Variants in PARM1 observed in about 807,000 individuals in gnomAD.
PARM1 encodes prostate androgen-regulated mucin-like protein 1, also known as WSC4, cell wall integrity and stress response component 4 homolog.
In PARM1, 14 loss-of-function variants were observed where a neutral mutation model predicts 24.6. The observed-to-expected ratio is 0.57, with a 90% CI of 0.38 to 0.89. The LOEUF (loss-of-function observed/expected upper bound fraction) is 0.89. PARM1 is among the 40% of genes least tolerant of loss of function. The pLI is 0.00. For synonymous variants in PARM1, 179 were observed against 156.6 expected (o/e 1.14, Z -1.07); for missense variants, 362 against 380.4 (o/e 0.95, Z 0.40).
At chr4:74,968,586 C>A (rs1721957494) in intron 1 of PARM1, among the ~76,000 whole-genome samples, 1 of 152,166 alleles carries the variant, frequency 6.6e-6, no homozygotes, top group African/African-American at 2.4e-5. Flanking sequence ...AATTGTGAAA[C>A]CAGCCTCAGC....
Position 74,933,257 on chromosome 4 carries a change from C to T in PARM1, c.-71C>T, listed in dbSNP as rs563327046. On this transcript the variant is annotated 5_prime_UTR_variant, in exon 1 of 4. Transcript: ENST00000307428. ...CCCGGCAGAGGAGTCGCTACCAGCG[C>T]CCAGTGCGCTCTGTCAGTCCGCAAA... is the stretch of plus-strand genomic sequence containing the variant. 6.7e-5 allele frequency: 93 copies of T among 1,386,406 alleles called. No individual in the cohort carries two copies. The East Asian group carries it at 2.1e-3, about 31-fold the overall frequency. The allele number at this position is 1,386,406 out of a possible 1,614,324, so 85.9% of individuals were successfully genotyped here.
At chr4:74,952,676 ATCT>A (rs1721549539) in intron 1 of PARM1, among the ~76,000 whole-genome samples, 1 of 152,238 alleles carries the variant, frequency 6.6e-6, no homozygotes, top group Admixed American at 6.5e-5. Context: ...CATTAAAAGT[ATCT>A]TCTTCTCAGT....
chr4:74,977,970 T>G (rs1265610850), intron 1 of PARM1, among the ~76,000 whole-genome samples: 1 of 152,166 alleles, frequency 6.6e-6, no homozygotes, highest in Non-Finnish European at 1.5e-5. Context: ...AAGGAAGCAC[T>G]AAATATGGAA....
intron 1 of PARM1, among the ~76,000 whole-genome samples, chr4:75,006,755 TA>T (rs1420112566): frequency 6.6e-6 from 1 of 152,146 alleles, no homozygotes; most frequent in African/African-American, 2.4e-5. Context: ...ATGTTAGACC[TA>T]AAACCATAAA....
intron 2 of PARM1, among the ~76,000 whole-genome samples, chr4:75,020,034 A>G (rs1023162346): frequency 2.0e-5 from 3 of 149,514 alleles, no homozygotes; most frequent in Admixed American, 2.0e-4. Flanking sequence ...AAAAAAAAAA[A>G]AAAGAAAATT....
chr4:74,951,035 T>C (rs1721512590), intron 1 of PARM1, among the ~76,000 whole-genome samples: 1 of 152,224 alleles, frequency 6.6e-6, no homozygotes, highest in African/African-American at 2.4e-5. Context: ...ACAGTCTAAA[T>C]TGATGGGACT....
chr4:75,024,245 G>A (rs1166225192), intron 2 of PARM1, among the ~76,000 whole-genome samples: 1 of 145,428 alleles, frequency 6.9e-6, no homozygotes, highest in African/African-American at 2.7e-5. Flanking sequence ...GCGGCAGAGC[G>A]AGACTCTGTC....
Position 75,047,809 on chromosome 4 carries a change from G to A in PARM1, c.*1562G>A, listed in dbSNP as rs2109820537. ...TGTGTTAAGTTTTTATTTCCAAAGTGTTTAGTTTATTGGCTGATGGGTTGT... is the reference window on the plus strand; with the variant it reads ...TGTGTTAAGTTTTTATTTCCAAAGTATTTAGTTTATTGGCTGATGGGTTGT... On this transcript the variant is annotated 3_prime_UTR_variant, in exon 4 of 4. Transcript: ENST00000307428. 1 of 152,300 alleles carries A rather than the reference G, an allele frequency of 6.6e-6. No individual in the cohort carries two copies. The highest frequency in any genetic ancestry group is 2.4e-5 in the African/African-American group (1 of 41,556). The allele number at this position is 152,300 out of a possible 1,614,324, so 9.4% of individuals were successfully genotyped here.
At chr4:74,970,994 G>C (rs1722022453) in intron 1 of PARM1, among the ~76,000 whole-genome samples, 1 of 152,208 alleles carries the variant, frequency 6.6e-6, no homozygotes, top group Non-Finnish European at 1.5e-5. Context: ...CATGAGCATA[G>C]TGGGGAACAA....
chr4:75,016,492 C>G (rs1216560216), intron 2 of PARM1, among the ~76,000 whole-genome samples: 2 of 152,048 alleles, frequency 1.3e-5, no homozygotes, highest in Non-Finnish European at 2.9e-5. Context: ...GTTTGGGGTA[C>G]AACTGATCCC....
intron 3 of PARM1, among the ~76,000 whole-genome samples, 166 bp downstream of exon 3, chr4:75,034,127 A>C (rs1476840680): frequency 6.6e-6 from 1 of 152,204 alleles, no homozygotes; most frequent in East Asian, 1.9e-4. Flanking sequence ...CAACACAGGT[A>C]TAGACGTACA....
At chr4:74,945,368 A>T (rs763471667) in intron 1 of PARM1, among the ~76,000 whole-genome samples, 4 of 152,202 alleles carry the variant, frequency 2.6e-5, no homozygotes, top group South Asian at 4.1e-4. Context: ...TTAGCAACAG[A>T]TAATGTGGCT....
intron 1 of PARM1, chr4:74,966,691 C>A (rs1721909580): frequency 6.6e-6 from 1 of 152,222 alleles, no homozygotes; most frequent in Non-Finnish European, 1.5e-5. Context: ...TTATCAGTCA[C>A]ACTGATACCA....
intron 1 of PARM1, among the ~76,000 whole-genome samples, chr4:74,960,535 C>T (rs766891214): frequency 3.3e-5 from 5 of 152,066 alleles, no homozygotes; most frequent in Non-Finnish European, 7.4e-5. Context: ...TTAGCATACC[C>T]TGGGGAAGGG....
rs138393955 is a variant in PARM1 at position 75,039,048 on chromosome 4, A to G, written c.848+5087A>G. 4.6e-3 allele frequency among the ~76,000 whole-genome samples: 708 copies of G among 152,332 alleles called. 3 individuals are homozygous for G. Among genetic ancestry groups the G allele is most frequent in the African/African-American group, 0.016 (673 of 41,558 alleles). On this transcript the variant is annotated intron_variant, in intron 3 of 3. Transcript: ENST00000307428. ...TCTTCTAGTGATTGCAGGTTGTACA[A>G]TTGGATTCCTTCTGGTTGTTAGAGT...
chr4:75,034,521 C>T (rs931675800), intron 3 of PARM1, among the ~76,000 whole-genome samples: 1 of 152,084 alleles, frequency 6.6e-6, no homozygotes, highest in Non-Finnish European at 1.5e-5. Context: ...ATCTTTTCTC[C>T]TATGAAATGA....
At chr4:74,947,768 G>T (rs60265009) in intron 1 of PARM1, among the ~76,000 whole-genome samples, 20,216 of 152,146 alleles carry the variant, frequency 0.13, 1,801 homozygotes, top group African/African-American at 0.25. Flanking sequence ...ACATGGGGAT[G>T]CATTATACTC....
At chr4:74,982,294 G>A (rs1172998912) in intron 1 of PARM1, among the ~76,000 whole-genome samples, 1 of 152,124 alleles carries the variant, frequency 6.6e-6, no homozygotes, top group African/African-American at 2.4e-5. Context: ...GGGCCTGTCA[G>A]GGTCGGGGGT....
At chr4:74,968,621 C>A (rs1438840168) in intron 1 of PARM1, among the ~76,000 whole-genome samples, 1 of 152,190 alleles carries the variant, frequency 6.6e-6, no homozygotes, top group Non-Finnish European at 1.5e-5. Flanking sequence ...TTGTTGACTG[C>A]AGAGATAAGG....
Sources: gnomAD v4.1 joint callset for allele counts (sites outside exome capture counted in the v4.1 genomes callset) on GRCh38, gnomAD v4.1.1 for gene constraint, MANE v1.5 for transcripts, NCBI Gene and HGNC (gene_info 2026-07-23, HGNC 2026-07-21) for gene names.